PDGFRA: variants seen among roughly 807,000 people sequenced by gnomAD.
The protein encoded by PDGFRA is platelet derived growth factor receptor alpha, also known as platelet-derived growth factor receptor alpha.
Under a neutral mutation model 121.5 loss-of-function variants are expected in PDGFRA, and 25 were observed. The ratio of observed to expected loss-of-function variants is 0.21; its 90% CI spans 0.15 to 0.29. The LOEUF is 0.29. PDGFRA is among the 10% of genes least tolerant of loss of function. The pLI, the probability that PDGFRA is intolerant of heterozygous loss-of-function variation, is 1.00. For missense variants in PDGFRA, 1,008 were observed against 1,345.1 expected (o/e 0.75, Z 3.92); for synonymous variants, 463 against 494.8 (o/e 0.94, Z 0.85).
intron 12 of PDGFRA, among the ~76,000 whole-genome samples, chr4:54,276,566 A>C (rs1280497894): frequency 1.3e-5 from 2 of 152,160 alleles, no homozygotes; most frequent in Non-Finnish European, 2.9e-5. Flanking sequence ...TAGGGAGTTA[A>C]AAAGTAGTAA....
chr4:54,242,492 C>T (rs1721360599), intron 1 of PDGFRA, among the ~76,000 whole-genome samples: 1 of 151,884 alleles, frequency 6.6e-6, no homozygotes, highest in Admixed American at 6.6e-5. Context: ...TAAAGGACCT[C>T]TATAGTTATA....
chr4:54,260,988 A>C, intron 2 of PDGFRA, 107 bp from the exon 3 acceptor site: 1 of 1,001,546 alleles, frequency 1.0e-6, no homozygotes, highest in Non-Finnish European at 1.5e-6. Context: ...ATTTTTGTGT[A>C]GAAATGGTCA....
chr4:54,281,477 G>A (rs1724073776), intron 16 of PDGFRA: 1 of 691,364 alleles, frequency 1.4e-6, no homozygotes, highest in Non-Finnish European at 2.1e-6. Flanking sequence ...TGCCAAATGG[G>A]TGAACTTCCA....
chr4:54,261,932 T>TATATATATATATA (rs1553902514), intron 3 of PDGFRA, among the ~76,000 whole-genome samples: 1 of 35,518 alleles, frequency 2.8e-5, no homozygotes, highest in African/African-American at 1.1e-4. Context: ...TATATATATA[T>TATATATATATATA]TTTTTTTTTT....
intron 1 of PDGFRA, among the ~76,000 whole-genome samples, chr4:54,236,179 G>A (rs1720995248): frequency 6.6e-6 from 1 of 152,208 alleles, no homozygotes; most frequent in South Asian, 2.1e-4. Flanking sequence ...AAAAGATTTG[G>A]GTGAAATCTA....
intron 1 of PDGFRA, among the ~76,000 whole-genome samples, chr4:54,241,649 A>G (rs947022317): frequency 6.6e-6 from 1 of 152,026 alleles, no homozygotes; most frequent in Admixed American, 6.6e-5. Context: ...TCCTGGGTTC[A>G]GGCATTTCTC....
At chr4:54,275,985 G>A (rs768428470) in intron 12 of PDGFRA, among the ~76,000 whole-genome samples, 4 of 152,146 alleles carry the variant, frequency 2.6e-5, no homozygotes, top group Admixed American at 6.5e-5. Context: ...CGGGACTAAC[G>A]AATTAGCTAC....
In PDGFRA at chr4:54,274,691, C is replaced by G. The variant is rs2110297769; in HGVS notation, c.1653+66C>G. The G allele has an allele frequency of 5.5e-6, 8 of 1,450,500 alleles. No homozygotes were observed. In the South Asian group the frequency reaches 9.1e-5, roughly 17 times the overall value. The allele number at this position is 1,450,500 out of a possible 1,614,324, so 89.9% of individuals were successfully genotyped here. On this transcript the variant is annotated intron_variant, in intron 11 of 22. Transcript: ENST00000257290. ...TGAGAACAAGCATAGCAACCTAGTT[C>G]AGTGCTTGGCACAGAGAAGGAGCTC... is the stretch of plus-strand genomic sequence containing the variant.
At position 54,288,812 on chromosome 4, in the gene PDGFRA, C is replaced by G. The variant is rs1724479052; in HGVS notation, c.2688C>G (p.Tyr896Ter). The G allele has an allele frequency of 6.2e-7, 1 of 1,611,192 alleles. No homozygotes were observed. ...WEIFSLGGTP[Y>*]PGMMVDSTFY... ...TTTGGCTTTTAGGTGGCACCCCTTACCCCGGCATGATGGTGGATTCTACTT... is the reference window on the plus strand; with the variant it reads ...TTTGGCTTTTAGGTGGCACCCCTTAGCCCGGCATGATGGTGGATTCTACTT... Residue 896 changes from tyrosine to a stop codon, truncating the protein, a stop_gained, in exon 20 of 23, where the codon TAC becomes TAG. Coordinates refer to ENST00000257290, the MANE Select transcript of PDGFRA (RefSeq NM_006206.6). LOFTEE classifies it high-confidence loss of function.
In PDGFRA at chr4:54,274,558, C is replaced by T. The variant is rs751285566; in HGVS notation, c.1586C>T (p.Ala529Val). The change falls in exon 11 of 23, where the codon GCT becomes GTT. Residue 529 changes from alanine (A) to valine (V), a missense_variant. Around this residue, in one of 5 missense-constraint regions of PDGFRA, gnomAD observed 575 missense variants for 701.8 expected, o/e 0.82. Transcript: ENST00000257290. ...PTLRSELTVAAAVLVLLVIVI... is the reference protein window; with the variant it reads ...PTLRSELTVAVAVLVLLVIVI... ...CTGCGTTCTGAACTCACGGTGGCTGCTGCAGTCCTGGTGCTGTTGGTGATT... is the reference window on the plus strand; with the variant it reads ...CTGCGTTCTGAACTCACGGTGGCTGTTGCAGTCCTGGTGCTGTTGGTGATT... 6.2e-7 allele frequency: 1 copy of T among 1,613,968 alleles called. No homozygotes were observed. Among genetic ancestry groups the T allele is most frequent in the Non-Finnish European group, 8.5e-7 (1 of 1,179,880 alleles).
In PDGFRA at chr4:54,296,208, A is replaced by C. The variant is rs886059452; in HGVS notation, c.*936A>C. On this transcript the variant is annotated 3_prime_UTR_variant, in exon 23 of 23. Coordinates refer to ENST00000257290, the MANE Select transcript of PDGFRA (RefSeq NM_006206.6). ...TCCCCAATCCATCGTATTAAAAAAC[A>C]ATTAACTGCCCTCTGAAATAATGGG... 16 of 232,888 alleles carry C rather than the reference A, an allele frequency of 6.9e-5. No individual in the cohort carries two copies. The highest frequency in any genetic ancestry group is 1.2e-4 in the Non-Finnish European group (14 of 117,848). 14.4% of individuals were successfully genotyped at this position (232,888 alleles called of 1,614,324 possible).
chr4:54,271,525 C>T (rs548542704), intron 8 of PDGFRA, among the ~76,000 whole-genome samples: 1 of 152,120 alleles, frequency 6.6e-6, no homozygotes, highest in Non-Finnish European at 1.5e-5. Context: ...GCCAAATAAC[C>T]AAGGGACTTT....
intron 19 of PDGFRA, 69 bp from the exon 20 acceptor site, chr4:54,288,730 A>G (rs1183893614): frequency 2.0e-5 from 18 of 897,892 alleles, no homozygotes; most frequent in Admixed American, 6.8e-5. Context: ...ACAGTGTTCT[A>G]TCATGCCAAG....
intron 1 of PDGFRA, among the ~76,000 whole-genome samples, chr4:54,242,205 T>C (rs1364774437): frequency 2.6e-5 from 4 of 152,186 alleles, no homozygotes; most frequent in East Asian, 1.9e-4. Flanking sequence ...CTGGGACTTT[T>C]GTCATTTATT....
intron 1 of PDGFRA, among the ~76,000 whole-genome samples, chr4:54,241,283 G>T (rs1721280576): frequency 6.6e-6 from 1 of 152,082 alleles, no homozygotes; most frequent in Admixed American, 6.5e-5. Flanking sequence ...GGAAAGTTAT[G>T]AATATGAAGA....
At chr4:54,261,972 A>G (rs1560467808) in intron 3 of PDGFRA, among the ~76,000 whole-genome samples, 1 of 137,668 alleles carries the variant, frequency 7.3e-6, no homozygotes, top group African/African-American at 2.7e-5. Flanking sequence ...TCTGTTGCCC[A>G]GGCTGGAATG....
chr4:54,278,537 GCTGT>G, intron 15 of PDGFRA, 22 bp downstream of exon 15: 1 of 1,610,374 alleles, frequency 6.2e-7, no homozygotes, highest in Non-Finnish European at 8.5e-7. Flanking sequence ...GAGAGATGTT[GCTGT>G]CTATCATTAT....
rs1577722785 is a variant in PDGFRA at position 54,272,524 on chromosome 4, T to C, written c.1364+4T>C. ...TGATATGCAAAGATATTAAGAAGTATGGAAAACAGATGTGTCTTCTTCTTT... is the reference window on the plus strand; with the variant it reads ...TGATATGCAAAGATATTAAGAAGTACGGAAAACAGATGTGTCTTCTTCTTT... On this transcript the variant is annotated splice_donor_region_variant and intron_variant, in intron 9 of 22. Transcript: ENST00000257290. The C allele has an allele frequency of 1.9e-6, 3 of 1,613,552 alleles. No individual in the cohort carries two copies.
At chr4:54,277,271 T>G in intron 12 of PDGFRA, 117 bp from the exon 13 acceptor site, 1 of 770,152 alleles carries the variant, frequency 1.3e-6, no homozygotes, top group Admixed American at 1.9e-5. Flanking sequence ...TCATTATGAT[T>G]ACTCCAAACA....
Sources: allele counts gnomAD v4.1 joint callset (sites outside exome capture counted in the v4.1 genomes callset), GRCh38; gene constraint gnomAD v4.1.1; regional missense constraint gnomAD v4.1.1; transcripts MANE v1.5; gene names NCBI Gene and HGNC (gene_info 2026-07-23, HGNC 2026-07-21).